Variants in SELENOH observed in about 807,000 individuals in gnomAD.
The protein encoded by SELENOH is selenoprotein H.
In SELENOH, 13 loss-of-function variants were observed where a neutral mutation model predicts 11.9. The ratio of observed to expected loss-of-function variants is 1.09; its 90% CI spans 0.71 to 1.74. The LOEUF is 1.74. Ranked by LOEUF, SELENOH falls within the 40% of genes most tolerant of loss-of-function variation. SELENOH has a pLI of 0.00. For missense variants in SELENOH, 223 were observed against 170.3 expected (o/e 1.31, Z -1.72); for synonymous variants, 96 against 73.5 (o/e 1.31, Z -1.56).
Position 57,741,911 on chromosome 11 carries a change from G to C in SELENOH, c.225G>C (p.Arg75=). The C allele has an allele frequency of 6.3e-7, 1 of 1,594,392 alleles. No homozygotes were observed. The highest frequency in any genetic ancestry group is 8.5e-7 in the Non-Finnish European group (1 of 1,174,690). ...TAAAGGTGAACCCGACGAAGCCCCG[G>C]AGGGGCAGCTTCGAGGTGACGCTGC... ...LPVKVNPTKP[R]RGSFEVTLLR... Residue 75 remains arginine (R), a synonymous_variant, in exon 2 of 4, where the codon CGG becomes CGC. Coordinates refer to ENST00000534355, the MANE Select transcript of SELENOH (RefSeq NM_170746.4).
In SELENOH at chr11:57,743,146, C is replaced by T. The variant is rs1949127788; in HGVS notation, c.*314C>T. On this transcript the variant is annotated 3_prime_UTR_variant, in exon 4 of 4. Transcript: ENST00000534355. ...CCCAAGATAGCCATGTGACCTGGAACTTTTAAAAAAAAATTTTTTTTTAAG... is the reference window on the plus strand; with the variant it reads ...CCCAAGATAGCCATGTGACCTGGAATTTTTAAAAAAAAATTTTTTTTTAAG... 6.6e-6 allele frequency: 1 copy of T among 152,222 alleles called. No individual in the cohort carries two copies. Among genetic ancestry groups the T allele is most frequent in the African/African-American group, 2.4e-5 (1 of 41,350 alleles). The allele number at this position is 152,222 out of a possible 1,614,324, so 9.4% of individuals were successfully genotyped here. A position where few individuals can be genotyped will look rare whatever the true frequency, so the allele number is the denominator to read the frequency against.
In SELENOH at chr11:57,741,735, T is replaced by C. The variant is rs529454955; in HGVS notation, c.122+18T>C. The C allele has an allele frequency of 2.5e-5, 40 of 1,591,894 alleles. No individual in the cohort carries two copies. The South Asian group carries it at 4.0e-4, about 16-fold the overall frequency. ...GAGCATTGGTGAGGGGCCTGGAGAG[T>C]AACGGGAGAGAGGGAACAGTGGCGC... is the stretch of plus-strand genomic sequence containing the variant. On this transcript the variant is annotated intron_variant, in intron 1 of 3. Coordinates refer to ENST00000534355, the MANE Select transcript of SELENOH (RefSeq NM_170746.4).
Position 57,742,172 on chromosome 11 carries a change from T to G in SELENOH, c.324T>G (p.Pro108=). The G allele has an allele frequency of 6.2e-7, 1 of 1,612,054 alleles. No individual in the cohort carries two copies. The highest frequency in any genetic ancestry group is 8.5e-7 in the Non-Finnish European group (1 of 1,179,152). The part of the protein sequence containing the change: ...KKGPPRKLKF[P]EPQEVVEELK... Reference sequence around the variant, plus strand: ...GGCCCCCACGCAAACTCAAATTCCCTGAGCCTCAAGAGGTGGTGGAAGAGT... The same window carrying G: ...GGCCCCCACGCAAACTCAAATTCCCGGAGCCTCAAGAGGTGGTGGAAGAGT... The change falls in exon 3 of 4, where the codon CCT becomes CCG. Residue 108 remains proline, a synonymous_variant. Transcript: ENST00000534355.
chr11:57,742,306 G>A lies in SELENOH; in HGVS notation c.*30+59G>A. On this transcript the variant is annotated intron_variant, in intron 3 of 3. Transcript: ENST00000534355. ...TTGAGGAAGAGAAGGCATTGATCTTGGTGTGGCTACAAGTACCCACCTGGC... is the reference window on the plus strand; with the variant it reads ...TTGAGGAAGAGAAGGCATTGATCTTAGTGTGGCTACAAGTACCCACCTGGC... The A allele has an allele frequency of 6.9e-6, 9 of 1,302,870 alleles. No homozygotes were observed. The South Asian group carries it at 1.2e-4, about 17-fold the overall frequency. The allele number at this position is 1,302,870 out of a possible 1,614,324, so 80.7% of individuals were successfully genotyped here. A position where few individuals can be genotyped will look rare whatever the true frequency, so the allele number is the denominator to read the frequency against.
chr11:57,741,793 C>G lies in SELENOH; in HGVS notation c.123-16C>G, dbSNP rs377525426. ...GGCCAGGGGCCCCGGTTTCTAACCTCTCCGTCTCTCCCTAGCACTAGCTGA... is the reference window on the plus strand; with the variant it reads ...GGCCAGGGGCCCCGGTTTCTAACCTGTCCGTCTCTCCCTAGCACTAGCTGA... On this transcript the variant is annotated splice_polypyrimidine_tract_variant and intron_variant, in intron 1 of 3. Transcript: ENST00000534355. 830 of 1,603,864 alleles carry G rather than the reference C, an allele frequency of 5.2e-4. 1 individual carries two copies. The African/African-American group carries it at 0.01, about 20-fold the overall frequency.
Position 57,741,581 on chromosome 11 carries a change from C to A in SELENOH, c.-15C>A, listed in dbSNP as rs1473801863. The A allele has an allele frequency of 4.8e-6, 6 of 1,259,708 alleles. No individual in the cohort carries two copies. Among genetic ancestry groups the A allele is most frequent in the Non-Finnish European group, 6.0e-6 (6 of 995,366 alleles). The allele number at this position is 1,259,708 out of a possible 1,614,324, so 78.0% of individuals were successfully genotyped here. On this transcript the variant is annotated 5_prime_UTR_variant, in exon 1 of 4. Coordinates refer to ENST00000534355, the MANE Select transcript of SELENOH (RefSeq NM_170746.4). Reference sequence around the variant, plus strand: ...CCACCAGTCCCGCTGCATTCTCGGCCGGGCTCTAGGCGCCATGGCTCCCCG... The same window carrying A: ...CCACCAGTCCCGCTGCATTCTCGGCAGGGCTCTAGGCGCCATGGCTCCCCG...
chr11:57,742,065 C>G, intron 2 of SELENOH, 52 bp from the exon 3 acceptor site: 8 of 1,588,940 alleles, frequency 5.0e-6, no homozygotes, highest in Non-Finnish European at 6.9e-6. Flanking sequence ...ACTTCAGAGA[C>G]GTGCTCGTGG....
Position 57,742,257 on chromosome 11 carries a change from G to A in SELENOH, c.*30+10G>A, listed in dbSNP as rs779825709. 3.3e-6 allele frequency: 5 copies of A among 1,532,868 alleles called. No homozygotes were observed. The highest frequency in any genetic ancestry group is 2.7e-5 in the African/African-American group (2 of 73,052). 95.0% of individuals were successfully genotyped at this position (1,532,868 alleles called of 1,614,324 possible). A position where few individuals can be genotyped will look rare whatever the true frequency, so the allele number is the denominator to read the frequency against. ...AAGCCCTCATGCTGAGGTTTGAAATGGGAAGTGGGGGGCGCGACCGCTGTT... is the reference window on the plus strand; with the variant it reads ...AAGCCCTCATGCTGAGGTTTGAAATAGGAAGTGGGGGGCGCGACCGCTGTT... On this transcript the variant is annotated intron_variant, in intron 3 of 3. Coordinates refer to ENST00000534355, the MANE Select transcript of SELENOH (RefSeq NM_170746.4).
chr11:57,741,516 T>C lies in SELENOH; in HGVS notation c.-80T>C. The C allele has an allele frequency of 8.8e-7, 1 of 1,141,702 alleles. No homozygotes were observed. The highest frequency in any genetic ancestry group is 1.1e-6 in the Non-Finnish European group (1 of 901,166). 70.7% of individuals were successfully genotyped at this position (1,141,702 alleles called of 1,614,324 possible). On this transcript the variant is annotated 5_prime_UTR_variant, in exon 1 of 4. Transcript: ENST00000534355. Reference sequence around the variant, plus strand: ...AGAGCTTCCGGGCTGCGCTCTTCGTTGCCCAGTTTCCGCTCAGTGGTCGCG... The same window carrying C: ...AGAGCTTCCGGGCTGCGCTCTTCGTCGCCCAGTTTCCGCTCAGTGGTCGCG...
At chr11:57,742,092 A>T (rs749040104) in intron 2 of SELENOH, 25 bp from the exon 3 acceptor site, 1 of 1,602,320 alleles carries the variant, frequency 6.2e-7, no homozygotes, top group African/African-American at 1.3e-5. Flanking sequence ...AAGTATTGTA[A>T]CTTCGCTTCA....
chr11:57,741,799 C>G lies in SELENOH; in HGVS notation c.123-10C>G. The G allele has an allele frequency of 1.2e-6, 2 of 1,604,578 alleles. No homozygotes were observed. The highest frequency in any genetic ancestry group is 1.7e-6 in the Non-Finnish European group (2 of 1,175,822). ...GGGCCCCGGTTTCTAACCTCTCCGT[C>G]TCTCCCTAGCACTAGCTGACGCGTC... On this transcript the variant is annotated splice_polypyrimidine_tract_variant and intron_variant, in intron 1 of 3. Transcript: ENST00000534355.
Position 57,741,617 on chromosome 11 carries a change from C to T in SELENOH, c.22C>T (p.Arg8Cys), listed in dbSNP as rs754975800. 12 of 1,303,264 alleles carry T rather than the reference C, an allele frequency of 9.2e-6. No individual in the cohort carries two copies. The highest frequency in any genetic ancestry group is 3.0e-5 in the East Asian group (1 of 33,728). The allele number at this position is 1,303,264 out of a possible 1,614,324, so 80.7% of individuals were successfully genotyped here. A position where few individuals can be genotyped will look rare whatever the true frequency, so the allele number is the denominator to read the frequency against. Residue 8 changes from arginine (R) to cysteine (C), a missense_variant, in exon 1 of 4, where the codon CGT (arginine) becomes TGT (cysteine). Coordinates refer to ENST00000534355, the MANE Select transcript of SELENOH (RefSeq NM_170746.4). ...CGCCATGGCTCCCCGCGGGAGGAAG[C>T]GTAAGGCTGAGGCCGCGGTGGTCGC... MAPRGRK[R>C]KAEAAVVAVA...
chr11:57,741,519 C>T lies in SELENOH; in HGVS notation c.-77C>T, dbSNP rs539044191. On this transcript the variant is annotated 5_prime_UTR_variant, in exon 1 of 4. Transcript: ENST00000534355. ...GCTTCCGGGCTGCGCTCTTCGTTGC[C>T]CAGTTTCCGCTCAGTGGTCGCGTCT... 3.2e-5 allele frequency: 38 copies of T among 1,172,574 alleles called. No homozygotes were observed. In the South Asian group the frequency reaches 1.6e-3, roughly 51 times the overall value. The allele number at this position is 1,172,574 out of a possible 1,614,324, so 72.6% of individuals were successfully genotyped here. A position where few individuals can be genotyped will look rare whatever the true frequency, so the allele number is the denominator to read the frequency against.
At position 57,741,618 on chromosome 11, in the gene SELENOH, G is replaced by C. The variant is rs11552988; in HGVS notation, c.23G>C (p.Arg8Pro). 11 of 1,301,418 alleles carry C rather than the reference G, an allele frequency of 8.5e-6. No individual in the cohort carries two copies. The highest frequency in any genetic ancestry group is 3.7e-5 in the Admixed American group (1 of 27,302). The allele number at this position is 1,301,418 out of a possible 1,614,324, so 80.6% of individuals were successfully genotyped here. A position where few individuals can be genotyped will look rare whatever the true frequency, so the allele number is the denominator to read the frequency against. MAPRGRK[R>P]KAEAAVVAVA... ...GCCATGGCTCCCCGCGGGAGGAAGCGTAAGGCTGAGGCCGCGGTGGTCGCC... is the reference window on the plus strand; with the variant it reads ...GCCATGGCTCCCCGCGGGAGGAAGCCTAAGGCTGAGGCCGCGGTGGTCGCC... Residue 8 changes from arginine (R) to proline (P), a missense_variant, in exon 1 of 4, where the codon CGT (arginine) becomes CCT (proline). Physicochemically the swap from Arg to Pro is moderately radical, Grantham distance 103 (BLOSUM62 -2). Coordinates refer to ENST00000534355, the MANE Select transcript of SELENOH (RefSeq NM_170746.4).
chr11:57,742,059 C>A (rs916136296), intron 2 of SELENOH, 58 bp from the exon 3 acceptor site: 1 of 1,588,058 alleles, frequency 6.3e-7, no homozygotes, highest in Non-Finnish European at 8.6e-7. Flanking sequence ...CTCATGACTT[C>A]AGAGACGTGC....
chr11:57,741,816 T>G lies in SELENOH; in HGVS notation c.130T>G (p.Sec44Gly). Residue 44 changes from selenocysteine to glycine, a missense_variant, in exon 2 of 4, where the codon TGA (selenocysteine) becomes GGA (glycine). Coordinates refer to ENST00000534355, the MANE Select transcript of SELENOH (RefSeq NM_170746.4). ...CTCTCCGTCTCTCCCTAGCACTAGC[T>G]GACGCGTCTATGGGCGCAACGCCGC... ...ATVVIEHCTS[U>G]RVYGRNAAAL... is the part of the protein sequence containing the mutation. The G allele has an allele frequency of 6.2e-7, 1 of 1,605,968 alleles. No homozygotes were observed. Among genetic ancestry groups the G allele is most frequent in the South Asian group, 1.1e-5 (1 of 89,814 alleles).
At chr11:57,742,819 C>T in intron 3 of SELENOH, 44 bp from the exon 4 acceptor site, 1 of 153,330 alleles carries the variant, frequency 6.5e-6, no homozygotes, top group Non-Finnish European at 1.5e-5. Flanking sequence ...CTTAAGATTG[C>T]CCAGATCCTT....
chr11:57,742,092 A>C (rs749040104), intron 2 of SELENOH, 25 bp from the exon 3 acceptor site: 3 of 1,602,438 alleles, frequency 1.9e-6, no homozygotes, highest in Non-Finnish European at 1.7e-6. Flanking sequence ...AAGTATTGTA[A>C]CTTCGCTTCA....
Position 57,741,713 on chromosome 11 carries a change from C to A in SELENOH, c.118C>A (p.His40Asn). 6.4e-7 allele frequency: 1 copy of A among 1,568,692 alleles called. No individual in the cohort carries two copies. The highest frequency in any genetic ancestry group is 8.6e-7 in the Non-Finnish European group (1 of 1,163,014). ...GMEEATVVIE[H>N]CTSURVYGRN... ...GGAGGAGGCGACCGTTGTTATCGAGCATTGGTGAGGGGCCTGGAGAGTAAC... is the reference window on the plus strand; with the variant it reads ...GGAGGAGGCGACCGTTGTTATCGAGAATTGGTGAGGGGCCTGGAGAGTAAC... The change falls in exon 1 of 4, where the codon CAT (histidine) becomes AAT (asparagine). Residue 40 changes from histidine (H) to asparagine (N), a missense_variant. Physicochemically the swap from His to Asn is moderately conservative, Grantham distance 68. Coordinates refer to ENST00000534355, the MANE Select transcript of SELENOH (RefSeq NM_170746.4).
Sources: allele counts gnomAD v4.1 joint callset, GRCh38; gene constraint gnomAD v4.1.1; transcripts MANE v1.5; gene names NCBI Gene and HGNC (gene_info 2026-07-23, HGNC 2026-07-21).